Variants in EFR3A observed in about 807,000 individuals in gnomAD.
The protein encoded by EFR3A is EFR3 homolog A.
Under a neutral mutation model 104.4 loss-of-function variants are expected in EFR3A, and 76 were observed. That is an observed-to-expected ratio of 0.73 (90% confidence interval 0.60 to 0.88). The LOEUF is 0.88. Ranked by LOEUF, EFR3A falls within the 40% of genes least tolerant of loss-of-function variation. EFR3A has a pLI of 0.00. For missense variants in EFR3A, 985 were observed against 1,012.5 expected (o/e 0.97, Z 0.37); for synonymous variants, 330 against 330.0 (o/e 1.00, Z 0.00).
chr8:131,974,718 A>G (rs1182102612), intron 10 of EFR3A, among the ~76,000 whole-genome samples: 3 of 152,348 alleles, frequency 2.0e-5, no homozygotes, highest in African/African-American at 4.8e-5. Flanking sequence ...TGTTAACAAC[A>G]ATATACTTTA....
chr8:131,976,232 A>T (rs936732516), intron 11 of EFR3A, 91 bp downstream of exon 11: 42 of 827,220 alleles, frequency 5.1e-5, no homozygotes, highest in South Asian at 2.3e-4. Context: ...GTTTTTTTTT[A>T]AAAATCATTA....
chr8:131,948,596 T>C (rs4278135), intron 4 of EFR3A, among the ~76,000 whole-genome samples: 56,874 of 151,912 alleles, frequency 0.37, 10,943 homozygotes, highest in East Asian at 0.61. Flanking sequence ...AGGTGAGGAA[T>C]GTTTTGGGAA....
Position 132,011,351 on chromosome 8 carries a change from G to C in EFR3A, c.*456G>C. On this transcript the variant is annotated 3_prime_UTR_variant, in exon 23 of 23. Coordinates refer to ENST00000254624, the MANE Select transcript of EFR3A (RefSeq NM_015137.6). ...TAAATATATTCCTAGTCCTGGGACT[G>C]CAAAACTGTTCGGTGGCTTTTTGTC... The C allele has an allele frequency of 5.1e-6, 5 of 986,158 alleles. No individual in the cohort carries two copies. The highest frequency in any genetic ancestry group is 6.0e-6 in the Non-Finnish European group (5 of 830,408). The allele number at this position is 986,158 out of a possible 1,614,324, so 61.1% of individuals were successfully genotyped here.
chr8:131,917,374 T>C (rs759401428), intron 1 of EFR3A, among the ~76,000 whole-genome samples: 3 of 152,228 alleles, frequency 2.0e-5, no homozygotes, highest in African/African-American at 7.2e-5. Context: ...ACAGGCTCTA[T>C]TCTCTGTTTT....
At chr8:131,974,386 G>T (rs1456130607) in intron 10 of EFR3A, among the ~76,000 whole-genome samples, 1 of 152,238 alleles carries the variant, frequency 6.6e-6, no homozygotes, top group Non-Finnish European at 1.5e-5. Context: ...GTAAAGAGAA[G>T]TGCAGGGTAC....
chr8:131,943,433 C>G (rs892698850), intron 2 of EFR3A, among the ~76,000 whole-genome samples: 2 of 151,812 alleles, frequency 1.3e-5, no homozygotes, highest in Non-Finnish European at 2.9e-5. Flanking sequence ...GGAACTGATA[C>G]AGAGGGAGAG....
intron 1 of EFR3A, among the ~76,000 whole-genome samples, chr8:131,914,175 AGATTCTG>A (rs990331008): frequency 2.0e-5 from 3 of 152,192 alleles, no homozygotes; most frequent in Non-Finnish European, 2.9e-5. Context: ...ATAACACCTA[AGATTCTG>A]GCTCTAAGTC....
At chr8:131,999,322 C>G (rs1821667306) in intron 19 of EFR3A, among the ~76,000 whole-genome samples, 1 of 152,086 alleles carries the variant, frequency 6.6e-6, no homozygotes. Flanking sequence ...ATGCTAGCAT[C>G]TAGTCAATAT....
chr8:131,982,532 C>G (rs562781840), intron 14 of EFR3A, among the ~76,000 whole-genome samples: 2 of 151,982 alleles, frequency 1.3e-5, no homozygotes, highest in African/African-American at 4.8e-5. Context: ...GTTATGTATT[C>G]TTCAGATTCA....
chr8:131,955,187 T>C (rs1025180991), intron 6 of EFR3A, among the ~76,000 whole-genome samples: 15 of 152,188 alleles, frequency 9.9e-5, no homozygotes, highest in African/African-American at 3.6e-4. Flanking sequence ...TGGTTATCAG[T>C]TCTTAAGAAA....
At chr8:131,919,719 A>G (rs1428643950) in intron 1 of EFR3A, among the ~76,000 whole-genome samples, 1 of 151,892 alleles carries the variant, frequency 6.6e-6, no homozygotes, top group Non-Finnish European at 1.5e-5. Flanking sequence ...GAATTTTCAG[A>G]TGCTCCATCT....
chr8:131,935,636 A>G (rs1407137079), intron 1 of EFR3A: 2 of 240,324 alleles, frequency 8.3e-6, no homozygotes, highest in Non-Finnish European at 1.7e-5. Flanking sequence ...TATGAAACAA[A>G]CTTAATTCAA....
chr8:131,976,255 C>T, intron 11 of EFR3A, 114 bp downstream of exon 11: 1 of 699,418 alleles, frequency 1.4e-6, no homozygotes, highest in Non-Finnish European at 2.5e-6. Context: ...AATAGCATTC[C>T]TATGGAAAGC....
At chr8:131,906,954 G>A (rs1029892758) in intron 1 of EFR3A, among the ~76,000 whole-genome samples, 1 of 152,026 alleles carries the variant, frequency 6.6e-6, no homozygotes, top group Non-Finnish European at 1.5e-5. Flanking sequence ...GAGTTGGAAC[G>A]ACTGTTAAAG....
intron 1 of EFR3A, among the ~76,000 whole-genome samples, chr8:131,927,102 A>G (rs1817338477): frequency 6.6e-6 from 1 of 152,230 alleles, no homozygotes; most frequent in African/African-American, 2.4e-5. Context: ...GAGCTTATAG[A>G]CCTCTGAGAA....
chr8:131,940,202 G>A (rs1818095223), intron 1 of EFR3A: 1 of 311,616 alleles, frequency 3.2e-6, no homozygotes, highest in South Asian at 4.4e-5. Context: ...GTTGCGGGCA[G>A]ATGACATCAG....
At chr8:131,989,620 G>T (rs983330211) in intron 18 of EFR3A, among the ~76,000 whole-genome samples, 9 of 152,076 alleles carry the variant, frequency 5.9e-5, no homozygotes, top group African/African-American at 2.2e-4. Flanking sequence ...TATTGTTCAG[G>T]CATCCAGAAA....
chr8:131,920,066 G>A (rs997089104), intron 1 of EFR3A, among the ~76,000 whole-genome samples: 2 of 152,164 alleles, frequency 1.3e-5, no homozygotes, highest in Non-Finnish European at 2.9e-5. Context: ...TTCAAAACTG[G>A]ATTTTGCTTG....
chr8:131,924,218 AT>A, intron 1 of EFR3A: 2 of 313,846 alleles, frequency 6.4e-6, no homozygotes, highest in Non-Finnish European at 1.3e-5. Flanking sequence ...CCCATTCAGC[AT>A]TTTTATATAC....
Sources: allele counts gnomAD v4.1 joint callset (sites outside exome capture counted in the v4.1 genomes callset), GRCh38; gene constraint gnomAD v4.1.1; transcripts MANE v1.5; gene names NCBI Gene and HGNC (gene_info 2026-07-23, HGNC 2026-07-21).